The following TFAP2E variants were observed in gnomAD, a reference collection of about 807,000 sequenced individuals.
TFAP2E encodes the protein transcription factor AP-2-epsilon.
Under a neutral mutation model 37.9 loss-of-function variants are expected in TFAP2E, and 30 were observed. The ratio of observed to expected loss-of-function variants is 0.79; its 90% confidence interval spans 0.59 to 1.07. The LOEUF (loss-of-function observed/expected upper bound fraction) is 1.07, where lower values mean the gene tolerates loss of function less well. TFAP2E is among the 50% of genes least tolerant of loss of function. The probability of loss-of-function intolerance (pLI) is 0.00; values close to 1 mark genes in which losing one functional copy is unlikely to be tolerated. For missense variants in TFAP2E, 567 were observed against 637.9 expected (o/e 0.89, Z 1.20); for synonymous variants, 318 against 295.8 (o/e 1.08, Z -0.77).
rs541863764 is a variant in TFAP2E, at chr1:35,574,382, G to A, written c.483G>A (p.Ala161=). 184 of 1,434,992 alleles carry A rather than the reference G, an allele frequency of 1.3e-4. 2 individuals carry two copies. In the South Asian group the frequency reaches 2.4e-3, roughly 19 times the overall value. The allele number at this position is 1,434,992 out of a possible 1,614,324, so 88.9% of individuals were successfully genotyped here. Residue 161 remains alanine, a synonymous_variant, in exon 2 of 7, where the codon GCG becomes GCA. Coordinates refer to ENST00000373235, the MANE Select transcript of TFAP2E (RefSeq NM_178548.4). The part of the protein sequence containing the change: ...ADAPLGLPGL[A]AAPGLEDLQA... Reference sequence around the variant, plus strand: ...CACCTCTCGGCCTTCCGGGGCTGGCGGCGGCCCCCGGTCTGGAGGACCTGC... The same window carrying A: ...CACCTCTCGGCCTTCCGGGGCTGGCAGCGGCCCCCGGTCTGGAGGACCTGC...
Position 35,574,341 on chromosome 1 carries a change from C to A in TFAP2E, c.442C>A (p.His148Asn), listed in dbSNP as rs1283400308. 1 of 1,445,492 alleles carries A rather than the reference C, an allele frequency of 6.9e-7. No individual in the cohort carries two copies. The highest frequency in any genetic ancestry group is 9.0e-7 in the Non-Finnish European group (1 of 1,110,520). The allele number at this position is 1,445,492 out of a possible 1,614,324, so 89.5% of individuals were successfully genotyped here. Residue 148 changes from histidine (H) to asparagine (N), a missense_variant, in exon 2 of 7, where the codon CAC becomes AAC. By Grantham distance (68) the His-to-Asn change is moderately conservative. Coordinates refer to ENST00000373235, the MANE Select transcript of TFAP2E (RefSeq NM_178548.4). ...RLLHGLADGA[H>N]GLADAPLGLP... is the part of the protein sequence containing the mutation. Reference sequence around the variant, plus strand: ...CCTGCACGGCCTGGCCGACGGCGCGCACGGCCTGGCAGACGCACCTCTCGG... The same window carrying A: ...CCTGCACGGCCTGGCCGACGGCGCGAACGGCCTGGCAGACGCACCTCTCGG...
Position 35,573,698 on chromosome 1 carries a change from C to A in TFAP2E, c.27+94C>A. 1 of 1,493,020 alleles carries A rather than the reference C, an allele frequency of 6.7e-7. No homozygotes were observed. Among genetic ancestry groups the A allele is most frequent in the Non-Finnish European group, 9.0e-7 (1 of 1,116,442 alleles). The allele number at this position is 1,493,020 out of a possible 1,614,324, so 92.5% of individuals were successfully genotyped here. ...CCCTCCTGTCCCGCGCTAACGAAAT[C>A]TCGGAGGGAGGGGGCCGCAGGGACT... On this transcript the variant is annotated intron_variant, in intron 1 of 6. Transcript: ENST00000373235. This position sits in a 1 kb window ranked among gnomAD's most constrained non-coding sequence, Gnocchi z 5.9.
At chr1:35,576,536 T>A (rs921489334) in intron 3 of TFAP2E, among the ~76,000 whole-genome samples, 1 of 152,150 alleles carries the variant, frequency 6.6e-6, no homozygotes, top group Non-Finnish European at 1.5e-5. Flanking sequence ...CTATTCATGC[T>A]TGGGCTCAAG....
intron 6 of TFAP2E, among the ~76,000 whole-genome samples, chr1:35,591,261 C>T (rs1168387943): frequency 1.3e-5 from 2 of 152,148 alleles, no homozygotes; most frequent in Admixed American, 1.3e-4. Flanking sequence ...TATCTGGGCT[C>T]CTGCATCAGG....
At chr1:35,582,021 A>C (rs2148548844) in intron 3 of TFAP2E, among the ~76,000 whole-genome samples, 1 of 152,160 alleles carries the variant, frequency 6.6e-6, no homozygotes, top group East Asian at 1.9e-4. Context: ...GATTATAGGC[A>C]CGCACCACCA....
intron 3 of TFAP2E, among the ~76,000 whole-genome samples, chr1:35,582,744 C>T (rs1011594301): frequency 7.9e-5 from 12 of 151,880 alleles, no homozygotes; most frequent in Admixed American, 6.6e-4. Flanking sequence ...ACTGCACCCT[C>T]GAACTCCTGA....
chr1:35,582,368 A>G (rs1490659430), intron 3 of TFAP2E, among the ~76,000 whole-genome samples: 3 of 152,070 alleles, frequency 2.0e-5, no homozygotes, highest in Non-Finnish European at 4.4e-5. Context: ...TTGAGTTATA[A>G]TAGTTCTTTA....
intron 3 of TFAP2E, among the ~76,000 whole-genome samples, chr1:35,581,894 G>C (rs1431525306): frequency 1.4e-5 from 2 of 145,132 alleles, no homozygotes; most frequent in Admixed American, 6.9e-5. Flanking sequence ...TTATTGTTTT[G>C]AGATGGATTG....
At chr1:35,594,335 G>A (rs1410526471) in intron 6 of TFAP2E, 59 bp from the exon 7 acceptor site, 1 of 1,583,042 alleles carries the variant, frequency 6.3e-7, no homozygotes, top group Admixed American at 1.9e-5. Context: ...GCATGTAGCA[G>A]GTCCTTCTCT....
intron 3 of TFAP2E, among the ~76,000 whole-genome samples, chr1:35,585,735 CAT>C (rs1309281959): frequency 1.3e-5 from 2 of 152,024 alleles, no homozygotes; most frequent in African/African-American, 2.4e-5. Flanking sequence ...ATTAACTTCA[CAT>C]GTTTCTTTTT....
rs1418351635 is a variant in TFAP2E at position 35,594,507 on chromosome 1, G to A, written c.1160G>A (p.Ser387Asn). The A allele has an allele frequency of 1.2e-6, 2 of 1,614,072 alleles. No homozygotes were observed. Among genetic ancestry groups the A allele is most frequent in the Non-Finnish European group, 8.5e-7 (1 of 1,180,040 alleles). Residue 387 changes from serine to asparagine, a missense_variant, in exon 7 of 7, where the codon AGC (serine) becomes AAC (asparagine). Ser to Asn is a conservative substitution (Grantham distance 46, BLOSUM62 1). This residue lies in a region of TFAP2E where 252 missense variants were observed against 302.6 expected (regional missense o/e 0.83). Coordinates refer to ENST00000373235, the MANE Select transcript of TFAP2E (RefSeq NM_178548.4). ...GTACAGAGCTGCTTGACACACTTTA[G>A]CCTCATCACCCATGGCTTCGGTGGG... The part of the protein sequence containing the change: ...PGVQSCLTHF[S>N]LITHGFGGPA...
At chr1:35,581,666 G>GCA (rs1390014388) in intron 3 of TFAP2E, among the ~76,000 whole-genome samples, 1 of 151,456 alleles carries the variant, frequency 6.6e-6, no homozygotes, top group Non-Finnish European at 1.5e-5. Flanking sequence ...TCTGCCTCCT[G>GCA]GGTTCAAGTG....
chr1:35,590,588 G>A lies in TFAP2E; in HGVS notation c.905-46G>A, dbSNP rs776837297. The stretch of plus-strand genomic sequence containing the variant: ...GTCAGAGGTTCAAAGCTGTGTTCCA[G>A]GCGCAGAGGTACACCCTGCAGTAGT... On this transcript the variant is annotated intron_variant, in intron 5 of 6. Transcript: ENST00000373235. This position sits in a 1 kb window ranked among gnomAD's most constrained non-coding sequence, Gnocchi z 6.2. 11 of 1,416,750 alleles carry A rather than the reference G, an allele frequency of 7.8e-6. No individual in the cohort carries two copies. Among genetic ancestry groups the A allele is most frequent in the Non-Finnish European group, 7.4e-6 (8 of 1,074,516 alleles). 87.8% of individuals were successfully genotyped at this position (1,416,750 alleles called of 1,614,324 possible). A position where few individuals can be genotyped will look rare whatever the true frequency, so the allele number is the denominator to read the frequency against.
intron 3 of TFAP2E, among the ~76,000 whole-genome samples, chr1:35,582,785 G>A (rs539270503): frequency 5.1e-4 from 77 of 151,998 alleles, no homozygotes; most frequent in Middle Eastern, 3.4e-3. Flanking sequence ...TGAGCCTCTC[G>A]AGTAACTGGG....
chr1:35,590,287 TATGTGG>T lies in TFAP2E; in HGVS notation c.904+240_904+245del, dbSNP rs1649619715. ...GACCTACTTGCAGTGTGCGGATGTGTATGTGGGTGTGGGTGTGGGTGTGTGGGTGTG... is the reference window on the plus strand; with the variant it reads ...GACCTACTTGCAGTGTGCGGATGTGTGTGTGGGTGTGGGTGTGTGGGTGTG... On this transcript the variant is annotated intron_variant, in intron 5 of 6. Coordinates refer to ENST00000373235, the MANE Select transcript of TFAP2E (RefSeq NM_178548.4). This position sits in a 1 kb window ranked among gnomAD's most constrained non-coding sequence, Gnocchi z 6.2. 6.6e-6 allele frequency among the ~76,000 whole-genome samples: 1 copy of T among 151,982 alleles called. No individual in the cohort carries two copies. Among genetic ancestry groups the T allele is most frequent in the Non-Finnish European group, 1.5e-5 (1 of 67,974 alleles).
chr1:35,592,046 T>C (rs1452760425), intron 6 of TFAP2E, among the ~76,000 whole-genome samples: 1 of 152,078 alleles, frequency 6.6e-6, no homozygotes, highest in East Asian at 1.9e-4. Flanking sequence ...CCAGCACTTT[T>C]GAGAGGCTGA....
intron 3 of TFAP2E, among the ~76,000 whole-genome samples, chr1:35,581,308 C>T (rs980118554): frequency 6.6e-5 from 10 of 152,154 alleles, no homozygotes; most frequent in South Asian, 2.1e-4. Context: ...GGTCAGTTGA[C>T]GGGCACTTGG....
In TFAP2E at chr1:35,580,691, C is replaced by T. The variant is rs566175971; in HGVS notation, c.562+5691C>T. ...TCGGGAGGCTGAGGCAGGAGAATGG[C>T]GTGAACCCGGGAGGCGGAGCTTGCA... On this transcript the variant is annotated intron_variant, in intron 3 of 6. Coordinates refer to ENST00000373235, the MANE Select transcript of TFAP2E (RefSeq NM_178548.4). Among the ~76,000 whole-genome samples, 5 of 152,074 alleles carry T rather than the reference C, an allele frequency of 3.3e-5. No homozygotes were observed. The East Asian group carries it at 5.8e-4, about 18-fold the overall frequency.
At chr1:35,589,908 G>A in intron 4 of TFAP2E, 22 bp from the exon 5 acceptor site, 2 of 1,611,980 alleles carry the variant, frequency 1.2e-6, no homozygotes, top group Non-Finnish European at 1.7e-6. Context: ...TTGTATGTCT[G>A]TCTGTCTCTG....
Sources: gnomAD v4.1 joint callset for allele counts (sites outside exome capture counted in the v4.1 genomes callset) on GRCh38, gnomAD v4.1.1 for gene constraint, gnomAD v4.1.1 regional missense constraint, Gnocchi (gnomAD v3.1) non-coding constraint, MANE v1.5 for transcripts, NCBI Gene and HGNC (gene_info 2026-07-23, HGNC 2026-07-21) for gene names.